Variants in DOT1L observed in about 807,000 individuals in gnomAD.
The protein encoded by DOT1L is histone-lysine N-methyltransferase, H3 lysine-79 specific.
Under a neutral mutation model 153.3 loss-of-function variants are expected in DOT1L, and 33 were observed. The ratio of observed to expected loss-of-function variants is 0.22; its 90% CI spans 0.16 to 0.29. The LOEUF is 0.29. Ranked by LOEUF, DOT1L falls within the 10% of genes least tolerant of loss-of-function variation. The pLI, the probability that DOT1L is intolerant of heterozygous loss-of-function variation, is 1.00. For synonymous variants in DOT1L, 1,135 were observed against 965.1 expected (o/e 1.18, Z -3.26); for missense variants, 1,847 against 2,119.9 (o/e 0.87, Z 2.53).
intron 16 of DOT1L, 46 bp from the exon 17 acceptor site, chr19:2,213,486 GGCCCTCA>G: frequency 1.9e-6 from 3 of 1,582,388 alleles, no homozygotes; most frequent in Non-Finnish European, 2.6e-6. Context: ...CCTCCCTGTG[GGCCCTCA>G]GTCACCTGCC....
chr19:2,223,077 G>A (rs571923657), intron 24 of DOT1L, among the ~76,000 whole-genome samples: 1 of 152,022 alleles, frequency 6.6e-6, no homozygotes, highest in South Asian at 2.1e-4. Flanking sequence ...CATCAGGAGG[G>A]GGCATGGGGG....
chr19:2,219,270 A>G (rs1389053433), intron 22 of DOT1L, among the ~76,000 whole-genome samples: 1 of 152,150 alleles, frequency 6.6e-6, no homozygotes, highest in East Asian at 1.9e-4. Context: ...GGCCTCCCAC[A>G]GTGCTGGGAT....
chr19:2,185,785 CAA>C, intron 2 of DOT1L, 68 bp from the exon 3 acceptor site: 1 of 1,561,948 alleles, frequency 6.4e-7, no homozygotes, highest in East Asian at 2.2e-5. Context: ...AAAACAAAAA[CAA>C]AAACAAAACA....
chr19:2,211,038 C>T (rs1292100899), intron 14 of DOT1L, 61 bp from the exon 15 acceptor site: 29 of 1,532,774 alleles, frequency 1.9e-5, no homozygotes, highest in South Asian at 5.8e-5. Context: ...CCCATGCTGA[C>T]GCCTCTGCCC....
chr19:2,229,836 C>T lies in DOT1L; in HGVS notation c.*44C>T. ...GAGACCTATGCAAGGACGGTGTGGACCAACTCGCGCCCGCGGCATGGTGCC... is the reference window on the plus strand; with the variant it reads ...GAGACCTATGCAAGGACGGTGTGGATCAACTCGCGCCCGCGGCATGGTGCC... On this transcript the variant is annotated 3_prime_UTR_variant, in exon 28 of 28. Coordinates refer to ENST00000398665, the MANE Select transcript of DOT1L (RefSeq NM_032482.3). The T allele has an allele frequency of 6.2e-7, 1 of 1,612,626 alleles. No individual in the cohort carries two copies. Among genetic ancestry groups the T allele is most frequent in the Non-Finnish European group, 8.5e-7 (1 of 1,179,880 alleles).
At chr19:2,206,289 A>T (rs1284199275) in intron 9 of DOT1L, among the ~76,000 whole-genome samples, 3 of 152,104 alleles carry the variant, frequency 2.0e-5, no homozygotes, top group Non-Finnish European at 4.4e-5. Flanking sequence ...CCGCGCCGAG[A>T]ATGTTTTTTA....
Position 2,189,927 on chromosome 19 carries a change from G to C in DOT1L, c.264+132G>C. The C allele has an allele frequency of 4.0e-6, 4 of 1,004,538 alleles. 1 individual carries two copies. The Admixed American group carries it at 8.1e-5, about 20-fold the overall frequency. 62.2% of individuals were successfully genotyped at this position (1,004,538 alleles called of 1,614,324 possible). A position where few individuals can be genotyped will look rare whatever the true frequency, so the allele number is the denominator to read the frequency against. On this transcript the variant is annotated intron_variant, in intron 4 of 27. Coordinates refer to ENST00000398665, the MANE Select transcript of DOT1L (RefSeq NM_032482.3). ...CTGGGGATTGGAATGTGCAGCGTGG[G>C]GGGACGATGGGCTGTGGGTGAGTGG...
At chr19:2,172,512 T>TC (rs2021696515) in intron 1 of DOT1L, among the ~76,000 whole-genome samples, 1 of 150,446 alleles carries the variant, frequency 6.6e-6, no homozygotes, top group African/African-American at 2.4e-5. Context: ...TCTTTCTTTT[T>TC]TTTTTTTTGA....
Position 2,222,599 on chromosome 19 carries a change from T to C in DOT1L, c.3390+40T>C. ...CGGCAGGGCTGGGGAGCGCGGCCTG[T>C]GAAAGAAAGACCAGAGGGAGACCGG... On this transcript the variant is annotated intron_variant, in intron 24 of 27. Coordinates refer to ENST00000398665, the MANE Select transcript of DOT1L (RefSeq NM_032482.3). This position sits in a 1 kb window ranked among gnomAD's most constrained non-coding sequence, Gnocchi z 6.5. The C allele has an allele frequency of 6.7e-7, 1 of 1,494,142 alleles. No individual in the cohort carries two copies. Among genetic ancestry groups the C allele is most frequent in the African/African-American group, 1.4e-5 (1 of 71,836 alleles). 92.6% of individuals were successfully genotyped at this position (1,494,142 alleles called of 1,614,324 possible).
chr19:2,229,759 G>T (rs373863097), intron 27 of DOT1L, 26 bp from the exon 28 acceptor site: 20 of 1,612,976 alleles, frequency 1.2e-5, no homozygotes, highest in Non-Finnish European at 1.7e-5. Context: ...ACCTCAGGCC[G>T]CTCTTCCCGC....
intron 25 of DOT1L, among the ~76,000 whole-genome samples, chr19:2,224,239 G>A (rs1157469787): frequency 6.6e-6 from 1 of 152,188 alleles, no homozygotes; most frequent in Non-Finnish European, 1.5e-5. Context: ...GGGTGTGCGT[G>A]TTTGTGTTTG....
intron 18 of DOT1L, 67 bp downstream of exon 18, chr19:2,214,053 C>T: frequency 1.3e-6 from 2 of 1,552,946 alleles, no homozygotes; most frequent in Non-Finnish European, 8.7e-7. Context: ...GGTGTGTCCT[C>T]TGTGCGGGTG....
Position 2,191,000 on chromosome 19 carries a change from C to T in DOT1L, c.265-12C>T, listed in dbSNP as rs1473746856. ...GTTTATGTGACATGGCCGGGCCACC[C>T]TCCGTCCGCAGTGGAAGGGCACCAC... is the stretch of plus-strand genomic sequence containing the variant. On this transcript the variant is annotated splice_polypyrimidine_tract_variant and intron_variant, in intron 4 of 27. Coordinates refer to ENST00000398665, the MANE Select transcript of DOT1L (RefSeq NM_032482.3). This position sits in a 1 kb window ranked among gnomAD's most constrained non-coding sequence, Gnocchi z 4.8. The T allele has an allele frequency of 1.9e-6, 3 of 1,584,932 alleles. No individual in the cohort carries two copies. The highest frequency in any genetic ancestry group is 1.8e-5 in the Admixed American group (1 of 56,584).
intron 12 of DOT1L, 25 bp from the exon 13 acceptor site, chr19:2,210,375 G>A (rs1187883109): frequency 1.3e-6 from 2 of 1,493,364 alleles, no homozygotes; most frequent in South Asian, 1.3e-5. Context: ...GGGGCTTCCT[G>A]TGGCTCAACC....
At chr19:2,228,034 T>TG in intron 27 of DOT1L, 1 of 1,296,598 alleles carries the variant, frequency 7.7e-7, no homozygotes, top group Non-Finnish European at 1.0e-6. Flanking sequence ...CCAACGCTGC[T>TG]GGCCTCTAAC....
At chr19:2,218,135 G>A (rs2144879713) in intron 22 of DOT1L, among the ~76,000 whole-genome samples, 1 of 152,352 alleles carries the variant, frequency 6.6e-6, no homozygotes, top group East Asian at 1.9e-4. Flanking sequence ...ACGTGTGCAA[G>A]TGGAGAGGGC....
At chr19:2,227,216 G>C (rs1210667720) in intron 27 of DOT1L, 89 bp downstream of exon 27, 3 of 1,519,742 alleles carry the variant, frequency 2.0e-6, no homozygotes, top group Non-Finnish European at 2.7e-6. Context: ...CTCTCTTGCA[G>C]CAGGAGCTGA....
At chr19:2,196,975 C>T (rs535523686) in intron 7 of DOT1L, among the ~76,000 whole-genome samples, 1 of 151,858 alleles carries the variant, frequency 6.6e-6, no homozygotes, top group South Asian at 2.2e-4. Flanking sequence ...GTTCCTCACC[C>T]CGTTGCTGTG....
rs936060026 is a variant in DOT1L, at chr19:2,231,154, C to G, written c.*1362C>G. The G allele has an allele frequency of 5.3e-5, 12 of 227,874 alleles. No homozygotes were observed. Among genetic ancestry groups the G allele is most frequent in the African/African-American group, 2.7e-4 (12 of 44,976 alleles). The allele number at this position is 227,874 out of a possible 1,614,324, so 14.1% of individuals were successfully genotyped here. A position where few individuals can be genotyped will look rare whatever the true frequency, so the allele number is the denominator to read the frequency against. On this transcript the variant is annotated 3_prime_UTR_variant, in exon 28 of 28. Transcript: ENST00000398665. ...GCCTGGGTTGTCTGAGCAGTGGTGG[C>G]TCTGTGCCCTCCCTGGAGGATGGGA...
Sources: allele counts gnomAD v4.1 joint callset (sites outside exome capture counted in the v4.1 genomes callset), GRCh38; gene constraint gnomAD v4.1.1; non-coding constraint Gnocchi (gnomAD v3.1); transcripts MANE v1.5; gene names NCBI Gene and HGNC (gene_info 2026-07-23, HGNC 2026-07-21).